The following KRT9 variants were observed in gnomAD, a reference collection of about 807,000 sequenced individuals.
The protein encoded by KRT9 is keratin, type I cytoskeletal 9.
A neutral mutation model predicts 51.4 loss-of-function variants in KRT9; 34 were observed. That is an observed-to-expected ratio of 0.66 (90% confidence interval 0.50 to 0.88). The LOEUF is 0.88. Among genes scored for constraint, KRT9 ranks in the 40% least tolerant of loss-of-function variants. The pLI is 0.00. For synonymous variants in KRT9, 292 were observed against 289.7 expected (o/e 1.01, Z -0.08); for missense variants, 753 against 790.3 (o/e 0.95, Z 0.57).
Position 41,568,519 on chromosome 17 carries a change from G to C in KRT9, c.1159C>G (p.Gln387Glu). The change falls in exon 5 of 8, where the codon CAG becomes GAG. Residue 387 changes from glutamine (Q) to glutamate (E), a missense_variant. Transcript: ENST00000246662. ...GCAGAACTACCAACCTTGCTGAGCTGAGACTGCAGCTCAATCTCCAACTCC... is the reference window on the plus strand; with the variant it reads ...GCAGAACTACCAACCTTGCTGAGCTCAGACTGCAGCTCAATCTCCAACTCC... ...VQELEIELQS[Q>E]LSKKAALEKS... 6.2e-7 allele frequency: 1 copy of C among 1,614,172 alleles called. No individual in the cohort carries two copies. The highest frequency in any genetic ancestry group is 8.5e-7 in the Non-Finnish European group (1 of 1,180,030).
At chr17:41,566,376 C>G (rs1009905950) in intron 7 of KRT9, among the ~76,000 whole-genome samples, 2 of 152,148 alleles carry the variant, frequency 1.3e-5, no homozygotes, top group Admixed American at 6.5e-5. Flanking sequence ...ACCCCCAAGT[C>G]TGAGGATGGG....
At chr17:41,569,802 G>A (rs1335286599) in intron 3 of KRT9, 57 bp downstream of exon 3, 2 of 1,603,252 alleles carry the variant, frequency 1.2e-6, no homozygotes, top group Admixed American at 1.7e-5. Context: ...CTCCCCTGCT[G>A]TCTCTGCATT....
In KRT9 at chr17:41,569,904, C is replaced by A; in HGVS notation, c.837G>T (p.Glu279Asp). ...MEKSDLEMQYETLQEELMALK... is the reference protein window; with the variant it reads ...MEKSDLEMQYDTLQEELMALK... ...GGGCCATCAGCTCCTCCTGCAGAGTCTCATACTGCATCTCCAGGTCAGACT... is the reference window on the plus strand; with the variant it reads ...GGGCCATCAGCTCCTCCTGCAGAGTATCATACTGCATCTCCAGGTCAGACT... The change falls in exon 3 of 8, where the codon GAG becomes GAT. Residue 279 changes from glutamate (E) to aspartate (D), a missense_variant. By Grantham distance (45) the Glu-to-Asp change is conservative. Around this residue, in one of 3 missense-constraint regions of KRT9, gnomAD observed 507 missense variants for 563.7 expected, o/e 0.90. Transcript: ENST00000246662. 6.2e-7 allele frequency: 1 copy of A among 1,614,202 alleles called. No individual in the cohort carries two copies. The highest frequency in any genetic ancestry group is 2.2e-5 in the East Asian group (1 of 44,888).
rs151091569 is a variant in KRT9, at chr17:41,568,277, G to A, written c.1279C>T (p.Arg427Trp). 1.9e-5 allele frequency: 31 copies of A among 1,613,992 alleles called. No individual in the cohort carries two copies. Among genetic ancestry groups the A allele is most frequent in the South Asian group, 1.2e-4 (11 of 91,088 alleles). ...TGATTCTGGCACTCGATCTCTTGCC[G>A]GACGTCAGTGATCTGGGCCTCCAAG... ...SNLEAQITDV[R>W]QEIECQNQEY... The change falls in exon 6 of 8, where the codon CGG (arginine) becomes TGG (tryptophan). Residue 427 changes from arginine to tryptophan, a missense_variant. Around this residue, in one of 3 missense-constraint regions of KRT9, gnomAD observed 507 missense variants for 563.7 expected, o/e 0.90. Coordinates refer to ENST00000246662, the MANE Select transcript of KRT9 (RefSeq NM_000226.4).
chr17:41,568,128 C>A (rs745337416), intron 6 of KRT9, 34 bp downstream of exon 6: 27 of 1,580,912 alleles, frequency 1.7e-5, no homozygotes, highest in Middle Eastern at 2.0e-4. Context: ...GCCTAGGGAC[C>A]CCCAGGGGTT....
rs1373704875 is a variant in KRT9 at position 41,567,216 on chromosome 17, C to A, written c.*40+17G>T. On this transcript the variant is annotated intron_variant, in intron 7 of 7. Coordinates refer to ENST00000246662, the MANE Select transcript of KRT9 (RefSeq NM_000226.4). The stretch of plus-strand genomic sequence containing the variant: ...AGACCTTGACTCTCCACCCCACAAC[C>A]TAGGATTGTCCCTTACCTTTTGTCT... The A allele has an allele frequency of 8.1e-6, 13 of 1,613,650 alleles. No homozygotes were observed. The highest frequency in any genetic ancestry group is 5.9e-6 in the Non-Finnish European group (7 of 1,180,012).
Position 41,568,238 on chromosome 17 carries a change from G to C in KRT9, c.1318C>G (p.Leu440Val), listed in dbSNP as rs542825558. The C allele has an allele frequency of 3.8e-5, 62 of 1,614,182 alleles. No homozygotes were observed. In the Admixed American group the frequency reaches 1.0e-3, roughly 26 times the overall value. Reference protein sequence around the residue: ...IECQNQEYSLLLSIKMRLEKE... With the variant: ...IECQNQEYSLVLSIKMRLEKE... ...TCCAGCCGCATCTTAATGCTGAGCA[G>C]AAGGCTGTATTCCTGATTCTGGCAC... The change falls in exon 6 of 8, where the codon CTG becomes GTG. Residue 440 changes from leucine to valine, a missense_variant. Leu to Val is a conservative substitution (Grantham distance 32). Around this residue, in one of 3 missense-constraint regions of KRT9, gnomAD observed 507 missense variants for 563.7 expected, o/e 0.90. Coordinates refer to ENST00000246662, the MANE Select transcript of KRT9 (RefSeq NM_000226.4).
chr17:41,566,049 A>T lies in KRT9; in HGVS notation c.*144T>A, dbSNP rs1906861937. ...CTTGTTGCCAGCTATTCCTGATGTC[A>T]GGATCCAATAAGCAGGCTTCATCGG... On this transcript the variant is annotated 3_prime_UTR_variant, in exon 8 of 8. Transcript: ENST00000246662. The T allele has an allele frequency of 6.5e-6, 1 of 152,754 alleles. No individual in the cohort carries two copies. Among genetic ancestry groups the T allele is most frequent in the Admixed American group, 6.5e-5 (1 of 15,286 alleles). The allele number at this position is 152,754 out of a possible 1,614,324, so 9.5% of individuals were successfully genotyped here. A position where few individuals can be genotyped will look rare whatever the true frequency, so the allele number is the denominator to read the frequency against.
Position 41,571,633 on chromosome 17 carries a change from TC to T in KRT9, c.359del (p.Gly120GlufsTer30). ...GFGGGFGGGS[G>X]GGFGGGYGSG... ...TCCCATAGCCACCACCAAAGCCACC[TC>T]CAGAACCACCACCAAAGCCACCTCC... is the stretch of plus-strand genomic sequence containing the variant. On this transcript the variant is annotated frameshift_variant, in exon 1 of 8. Transcript: ENST00000246662. LOFTEE classifies it high-confidence loss of function. The T allele has an allele frequency of 6.3e-7, 1 of 1,599,766 alleles. No homozygotes were observed.
chr17:41,569,886 C>A lies in KRT9; in HGVS notation c.855G>T (p.Leu285=), dbSNP rs115349045. The A allele has an allele frequency of 1.0e-3, 1,690 of 1,614,202 alleles. 12 individuals are homozygous for A. In the African/African-American group the frequency reaches 0.015, roughly 14 times the overall value. The change falls in exon 3 of 8, where the codon CTG becomes CTT. Residue 285 remains leucine, a synonymous_variant. Transcript: ENST00000246662. ...EMQYETLQEE[L]MALKKNHKEE... ...CCTTATGATTCTTCTTGAGGGCCAT[C>A]AGCTCCTCCTGCAGAGTCTCATACT...
chr17:41,571,699 A>T lies in KRT9; in HGVS notation c.294T>A (p.Gly98=), dbSNP rs767346713. The T allele has an allele frequency of 1.2e-6, 2 of 1,608,198 alleles. No individual in the cohort carries two copies. Among genetic ancestry groups the T allele is most frequent in the East Asian group, 4.5e-5 (2 of 44,306 alleles). Residue 98 remains glycine (G), a synonymous_variant, in exon 1 of 8, where the codon GGT becomes GGA. Transcript: ENST00000246662. Reference sequence around the variant, plus strand: ...TACTATAGCCTCCTCCAGAAGCACCACCAAAACCTCTGGAACCACCCCCAA... The same window carrying T: ...TACTATAGCCTCCTCCAGAAGCACCTCCAAAACCTCTGGAACCACCCCCAA... ...GGFGGGSRGF[G]GASGGGYSSS...
intron 2 of KRT9, 37 bp from the exon 3 acceptor site, chr17:41,570,052 G>A: frequency 1.2e-6 from 2 of 1,614,084 alleles, no homozygotes; most frequent in Non-Finnish European, 1.7e-6. Flanking sequence ...AATCAAGAGG[G>A]AACCAGGCCC....
intron 4 of KRT9, 147 bp from the exon 5 acceptor site, chr17:41,568,780 A>ATG: frequency 9.4e-7 from 1 of 1,063,644 alleles, no homozygotes; most frequent in Non-Finnish European, 1.4e-6. Flanking sequence ...GGTACCCTCC[A>ATG]GCCATGGAGG....
At chr17:41,568,667 G>A in intron 4 of KRT9, 34 bp from the exon 5 acceptor site, 1 of 1,613,974 alleles carries the variant, frequency 6.2e-7, no homozygotes, top group South Asian at 1.1e-5. Context: ...GCATCAGGCT[G>A]TGCCAGGAGC....
chr17:41,569,796 C>T, intron 3 of KRT9, 63 bp downstream of exon 3: 2 of 1,599,562 alleles, frequency 1.3e-6, no homozygotes, highest in Non-Finnish European at 1.7e-6. Flanking sequence ...CCAAAGCTCC[C>T]CTGCTGTCTC....
At position 41,568,493 on chromosome 17, in the gene KRT9, A is replaced by G; in HGVS notation, c.1170+15T>C. On this transcript the variant is annotated intron_variant, in intron 5 of 7. Coordinates refer to ENST00000246662, the MANE Select transcript of KRT9 (RefSeq NM_000226.4). ...TGCCCCACCTTGGCAAAGGGTCTATAGCAGAACTACCAACCTTGCTGAGCT... is the reference window on the plus strand; with the variant it reads ...TGCCCCACCTTGGCAAAGGGTCTATGGCAGAACTACCAACCTTGCTGAGCT... 1.2e-6 allele frequency: 2 copies of G among 1,614,186 alleles called. No homozygotes were observed. The highest frequency in any genetic ancestry group is 1.7e-6 in the Non-Finnish European group (2 of 1,180,034).
chr17:41,567,574 C>G lies in KRT9; in HGVS notation c.1571G>C (p.Ser524Thr). 1.9e-6 allele frequency: 3 copies of G among 1,554,594 alleles called. No individual in the cohort carries two copies. The highest frequency in any genetic ancestry group is 2.6e-6 in the Non-Finnish European group (3 of 1,148,992). ...ACCTCCACTACCTCCTCCAGAACCA[C>G]TTCCTCCACCGTAGCTGCCTCCACT... ...GGSGGSYGGG[S>T]GSGGGSGGGY... Residue 524 changes from serine (S) to threonine (T), a missense_variant, in exon 7 of 8, where the codon AGT (serine) becomes ACT (threonine). Around this residue, in one of 3 missense-constraint regions of KRT9, gnomAD observed 507 missense variants for 563.7 expected, o/e 0.90. Transcript: ENST00000246662.
rs1333638380 is a variant in KRT9, at chr17:41,567,527, C to T, written c.1618G>A (p.Gly540Ser). The change falls in exon 7 of 8, where the codon GGT becomes AGT. Residue 540 changes from glycine (G) to serine (S), a missense_variant. Gly to Ser is a moderately conservative substitution (Grantham distance 56). Coordinates refer to ENST00000246662, the MANE Select transcript of KRT9 (RefSeq NM_000226.4). ...CCTCCACTTCCTCCGCTATGGCCAC[C>T]TCCACTTCCTCCACCATAGCCACCT... ...SGGGYGGGSG[G>S]GHSGGSGGGH... 1.3e-6 allele frequency: 2 copies of T among 1,550,926 alleles called. No individual in the cohort carries two copies. The highest frequency in any genetic ancestry group is 2.0e-5 in the Admixed American group (1 of 50,926).
chr17:41,568,948 ACAC>A (rs1324958549), intron 4 of KRT9, among the ~76,000 whole-genome samples: 1 of 150,994 alleles, frequency 6.6e-6, no homozygotes, highest in African/African-American at 2.4e-5. Flanking sequence ...ACACACACAC[ACAC>A]ACACAGCACA....
Sources: allele counts gnomAD v4.1 joint callset (sites outside exome capture counted in the v4.1 genomes callset), GRCh38; gene constraint gnomAD v4.1.1; regional missense constraint gnomAD v4.1.1; transcripts MANE v1.5; gene names NCBI Gene and HGNC (gene_info 2026-07-23, HGNC 2026-07-21).